The following NKAIN2 variants were observed in gnomAD, a reference collection of about 807,000 sequenced individuals.
NKAIN2 encodes the protein sodium/potassium transporting ATPase interacting 2.
NKAIN2 carries 14 observed loss-of-function variants against 32.6 expected under a neutral mutation model. The observed-to-expected ratio is 0.43, with a 90% CI of 0.28 to 0.67. The LOEUF is 0.67. NKAIN2 is among the 30% of genes least tolerant of loss of function. The pLI, the probability that NKAIN2 is intolerant of heterozygous loss-of-function variation, is 0.17. For missense variants in NKAIN2, 198 were observed against 258.3 expected (o/e 0.77, Z 1.60); for synonymous variants, 80 against 87.2 (o/e 0.92, Z 0.46).
chr6:124,020,549 A>C (rs1018612353), intron 1 of NKAIN2, among the ~76,000 whole-genome samples: 2 of 152,156 alleles, frequency 1.3e-5, no homozygotes, highest in Non-Finnish European at 2.9e-5. Flanking sequence ...TGCAACCAAC[A>C]AAAAAGAAAA....
chr6:124,764,819 G>C (rs1035336036), intron 4 of NKAIN2, among the ~76,000 whole-genome samples: 9 of 152,102 alleles, frequency 5.9e-5, no homozygotes, highest in South Asian at 2.1e-4. Context: ...AAATCAGGTT[G>C]AGAGGAGTAA....
chr6:124,644,351 A>G (rs1203522069), intron 3 of NKAIN2, among the ~76,000 whole-genome samples: 2 of 151,616 alleles, frequency 1.3e-5, no homozygotes, highest in African/African-American at 4.8e-5. Flanking sequence ...TGTTTTTCCT[A>G]TGAATACATC....
Position 124,680,250 on chromosome 6 carries a change from A to AATTTAAAATTAAAATTAAG in NKAIN2, c.474+21864_474+21865insATTTAAAATTAAAATTAAG, listed in dbSNP as rs2114501506. Reference sequence around the variant, plus strand: ...AATTTAAGGAATGTGTTTCCCTTAAAGATTTACTGCAGACCTCCTTATAAA... The same window carrying AATTTAAAATTAAAATTAAG: ...AATTTAAGGAATGTGTTTCCCTTAAAATTTAAAATTAAAATTAAGGATTTACTGCAGACCTCCTTATAAA... On this transcript the variant is annotated intron_variant, in intron 4 of 6. Transcript: ENST00000368417. 2.0e-5 allele frequency among the ~76,000 whole-genome samples: 3 copies of AATTTAAAATTAAAATTAAG among 152,298 alleles called. No individual in the cohort carries two copies. In the East Asian group the frequency reaches 5.8e-4, roughly 29 times the overall value.
At chr6:124,722,050 C>G (rs1776046065) in intron 4 of NKAIN2, among the ~76,000 whole-genome samples, 1 of 152,166 alleles carries the variant, frequency 6.6e-6, no homozygotes, top group African/African-American at 2.4e-5. Context: ...CTCAGCGTAC[C>G]TAATATGAGT....
chr6:124,036,609 C>T (rs925572369), intron 1 of NKAIN2, among the ~76,000 whole-genome samples: 2 of 152,078 alleles, frequency 1.3e-5, no homozygotes, highest in African/African-American at 2.4e-5. Flanking sequence ...CAGCTAATCT[C>T]TCTCGTGTGT....
chr6:124,107,066 A>G (rs1332533121), intron 1 of NKAIN2, among the ~76,000 whole-genome samples: 1 of 152,154 alleles, frequency 6.6e-6, no homozygotes, highest in Non-Finnish European at 1.5e-5. Context: ...AGTTGTTGAC[A>G]TGTGACTAAG....
At position 124,548,313 on chromosome 6, in the gene NKAIN2, T is replaced by C. The variant is rs920476873; in HGVS notation, c.274-109873T>C. 2.6e-5 allele frequency among the ~76,000 whole-genome samples: 4 copies of C among 152,234 alleles called. No homozygotes were observed. In the South Asian group the frequency reaches 6.2e-4, roughly 24 times the overall value. On this transcript the variant is annotated intron_variant, in intron 3 of 6. Coordinates refer to ENST00000368417, the MANE Select transcript of NKAIN2 (RefSeq NM_001040214.3). ...TATATTAGCTAGGAAAATGTTTCTTTGAATTTTAAATATAGTAACAGGAAG... is the reference window on the plus strand; with the variant it reads ...TATATTAGCTAGGAAAATGTTTCTTCGAATTTTAAATATAGTAACAGGAAG...
At chr6:124,109,226 C>T (rs898450114) in intron 1 of NKAIN2, among the ~76,000 whole-genome samples, 2 of 151,950 alleles carry the variant, frequency 1.3e-5, no homozygotes, top group African/African-American at 4.8e-5. Flanking sequence ...AAATTTCTCT[C>T]ATCAATGCAG....
chr6:124,234,198 C>A (rs1244830767), intron 1 of NKAIN2, among the ~76,000 whole-genome samples: 1 of 152,186 alleles, frequency 6.6e-6, no homozygotes, highest in Non-Finnish European at 1.5e-5. Flanking sequence ...ATCATTGAAT[C>A]TGAACATGAC....
chr6:124,345,046 T>C (rs1197712585), intron 2 of NKAIN2, among the ~76,000 whole-genome samples: 5 of 152,128 alleles, frequency 3.3e-5, no homozygotes, highest in Non-Finnish European at 7.4e-5. Flanking sequence ...GCATGAAGGG[T>C]TGTTGAATTT....
At position 124,485,682 on chromosome 6, in the gene NKAIN2, A is replaced by G. The variant is rs150784491; in HGVS notation, c.273+130335A>G. On this transcript the variant is annotated intron_variant, in intron 3 of 6. Transcript: ENST00000368417. The stretch of plus-strand genomic sequence containing the variant: ...ACCCCTCAGATGACCTTCTGACCCT[A>G]TGATTTTTATCTGTGTCTTTCTGAG... Among the ~76,000 whole-genome samples the G allele has an allele frequency of 5.3e-4, 81 of 152,178 alleles. 1 individual carries two copies. Among genetic ancestry groups the G allele is most frequent in the African/African-American group, 1.7e-3 (69 of 41,526 alleles).
intron 3 of NKAIN2, among the ~76,000 whole-genome samples, chr6:124,460,400 T>C (rs2114645489): frequency 6.6e-6 from 1 of 151,918 alleles, no homozygotes; most frequent in African/African-American, 2.4e-5. Context: ...ACCACATCCT[T>C]TAGAAGTTTC....
At chr6:124,289,834 C>A (rs932890647) in intron 2 of NKAIN2, among the ~76,000 whole-genome samples, 7 of 152,150 alleles carry the variant, frequency 4.6e-5, no homozygotes, top group African/African-American at 1.4e-4. Context: ...AGTTGTTTTG[C>A]CACCTTTATT....
chr6:124,464,665 C>G (rs1776670372), intron 3 of NKAIN2, among the ~76,000 whole-genome samples: 1 of 152,002 alleles, frequency 6.6e-6, no homozygotes, highest in Non-Finnish European at 1.5e-5. Flanking sequence ...TGTTAAAGAT[C>G]TCATGATTGT....
chr6:124,121,839 T>G (rs2114989903), intron 1 of NKAIN2: 1 of 831,710 alleles, frequency 1.2e-6, no homozygotes, highest in East Asian at 6.8e-5. Context: ...TGGGTCACCC[T>G]CTAATCATGC....
chr6:124,615,166 T>A (rs1209561674), intron 3 of NKAIN2, among the ~76,000 whole-genome samples: 1 of 152,218 alleles, frequency 6.6e-6, no homozygotes, highest in South Asian at 2.1e-4. Flanking sequence ...TAAAACGTTA[T>A]CTTACATCCA....
In NKAIN2 at chr6:123,959,790, CAT is replaced by C. The variant is rs34482918; in HGVS notation, c.54+155547_54+155548del. On this transcript the variant is annotated intron_variant, in intron 1 of 6. Coordinates refer to ENST00000368417, the MANE Select transcript of NKAIN2 (RefSeq NM_001040214.3). The stretch of plus-strand genomic sequence containing the variant: ...TCATGATCTTTTCCTCTCTCTCTCT[CAT>C]ATATATATATGAGGGCTGTATATGG... 4.7e-3 allele frequency among the ~76,000 whole-genome samples: 703 copies of C among 149,750 alleles called. 1 individual carries two copies. The highest frequency in any genetic ancestry group is 8.2e-3 in the Non-Finnish European group (556 of 67,558).
At chr6:124,561,529 C>G (rs369126599) in intron 3 of NKAIN2, among the ~76,000 whole-genome samples, 15 of 152,260 alleles carry the variant, frequency 9.9e-5, no homozygotes, top group African/African-American at 3.6e-4. Flanking sequence ...CCTCCCCAAC[C>G]CACCACCTCA....
intron 3 of NKAIN2, among the ~76,000 whole-genome samples, 192 bp downstream of exon 3, chr6:124,355,539 TC>T (rs144139894): frequency 0.23 from 35,424 of 151,990 alleles, 4,194 homozygotes; most frequent in Admixed American, 0.3. Context: ...ATGTACTTTT[TC>T]TTAAGCAAAA....
Sources: allele counts gnomAD v4.1 joint callset (sites outside exome capture counted in the v4.1 genomes callset), GRCh38; gene constraint gnomAD v4.1.1; transcripts MANE v1.5; gene names NCBI Gene and HGNC (gene_info 2026-07-23, HGNC 2026-07-21).